EGFR: variants seen among roughly 807,000 people sequenced by gnomAD.
The protein encoded by EGFR is epidermal growth factor receptor.
In EGFR, 58 loss-of-function variants were observed where a neutral mutation model predicts 143.0. The ratio of observed to expected loss-of-function variants is 0.41; its 90% confidence interval spans 0.33 to 0.50. EGFR has a LOEUF of 0.50. Among genes scored for constraint, EGFR ranks in the 20% least tolerant of loss-of-function variants. EGFR has a pLI of 0.39. For synonymous variants in EGFR, 613 were observed against 594.4 expected, an observed-to-expected ratio of 1.03 and a Z score of -0.45; for missense variants, 1,307 against 1,579.0, an observed-to-expected ratio of 0.83 and a Z score of 2.92.
chr7:55,075,905 A>G (rs1463969674), intron 1 of EGFR, among the ~76,000 whole-genome samples: 2 of 152,208 alleles, frequency 1.3e-5, no homozygotes, highest in African/African-American at 4.8e-5. Context: ...TGGGGGTGCA[A>G]TAGTGGAACT....
chr7:55,062,549 A>G (rs1215072317), intron 1 of EGFR, among the ~76,000 whole-genome samples: 8 of 152,174 alleles, frequency 5.3e-5, no homozygotes, highest in Admixed American at 1.3e-4. Context: ...ATCTGCATGG[A>G]AAAATGTGCA....
chr7:55,088,936 G>T (rs548612093), intron 1 of EGFR, among the ~76,000 whole-genome samples: 1 of 152,032 alleles, frequency 6.6e-6, no homozygotes, highest in Non-Finnish European at 1.5e-5. Flanking sequence ...ATTCCTCTTT[G>T]TAAAAAGTAT....
intron 1 of EGFR, among the ~76,000 whole-genome samples, chr7:55,023,171 G>A (rs893125426): frequency 2.0e-5 from 3 of 152,178 alleles, no homozygotes; most frequent in African/African-American, 7.2e-5. Flanking sequence ...TGTGGCCCTT[G>A]CCATGTGACT....
intron 1 of EGFR, among the ~76,000 whole-genome samples, chr7:55,125,484 C>A (rs1793469272): frequency 6.6e-6 from 1 of 152,226 alleles, no homozygotes; most frequent in Non-Finnish European, 1.5e-5. Context: ...ACTGGGTGCT[C>A]CAGCTTTGGG....
chr7:55,191,702 GGTCTTCTCTGTTTC>G lies in EGFR; in HGVS notation c.2470-16_2470-3del. Reference sequence around the variant, plus strand: ...CATGATGATCTGTCCCTCACAGCAGGGTCTTCTCTGTTTCAGGGCATGAACTACTTGGAGGACCG... The same window carrying G: ...CATGATGATCTGTCCCTCACAGCAGGAGGGCATGAACTACTTGGAGGACCG... On this transcript the variant is annotated splice_polypyrimidine_tract_variant and splice_region_variant and intron_variant, in intron 20 of 27. Transcript: ENST00000275493. 6.2e-7 allele frequency: 1 copy of G among 1,613,448 alleles called. No homozygotes were observed. The highest frequency in any genetic ancestry group is 8.5e-7 in the Non-Finnish European group (1 of 1,179,934).
chr7:55,202,420 C>A (rs1400343283), intron 26 of EGFR, 97 bp from the exon 27 acceptor site: 1 of 1,072,678 alleles, frequency 9.3e-7, no homozygotes, highest in South Asian at 1.4e-5. Flanking sequence ...ACCTACTAAT[C>A]AGAACCAGCA....
rs963593794 is a variant in EGFR at position 55,208,956 on chromosome 7, G to A, written c.*3339G>A. On this transcript the variant is annotated 3_prime_UTR_variant, in exon 28 of 28. Coordinates refer to ENST00000275493, the MANE Select transcript of EGFR (RefSeq NM_005228.5). ...TTCATCAAAGTTTCTAGAACCTCTG[G>A]CCTAAAGGAAGGGCCTGGTGGGATC... 3.3e-5 allele frequency: 5 copies of A among 152,172 alleles called. No homozygotes were observed. The highest frequency in any genetic ancestry group is 1.2e-4 in the African/African-American group (5 of 41,448). 9.4% of individuals were successfully genotyped at this position (152,172 alleles called of 1,614,324 possible). A position where few individuals can be genotyped will look rare whatever the true frequency, so the allele number is the denominator to read the frequency against.
At chr7:55,051,273 A>G (rs1788472838) in intron 1 of EGFR, among the ~76,000 whole-genome samples, 1 of 152,128 alleles carries the variant, frequency 6.6e-6, no homozygotes, top group Non-Finnish European at 1.5e-5. Flanking sequence ...TGTGGTTTGA[A>G]TATGTCCCTC....
At position 55,202,164 on chromosome 7, in the gene EGFR, CT is replaced by C. The variant is rs1787878470; in HGVS notation, c.3163-351del. On this transcript the variant is annotated intron_variant, in intron 26 of 27. Coordinates refer to ENST00000275493, the MANE Select transcript of EGFR (RefSeq NM_005228.5). ...AGAAACCACTAGCCACATGTGGCTA[CT>C]TCAACTTAAATGTTAATGAGTTAAA... Among the ~76,000 whole-genome samples the C allele has an allele frequency of 7.2e-5, 11 of 152,328 alleles. No homozygotes were observed. In the South Asian group the frequency reaches 2.3e-3, roughly 32 times the overall value.
chr7:55,202,816 T>C (rs1787912023), intron 27 of EGFR, 191 bp downstream of exon 27: 2 of 703,892 alleles, frequency 2.8e-6, no homozygotes, highest in Admixed American at 4.0e-5. Context: ...AAGCTCTTTG[T>C]TGTGTCTGGT....
At chr7:55,187,059 A>G (rs1787170956) in intron 20 of EGFR, among the ~76,000 whole-genome samples, 1 of 152,162 alleles carries the variant, frequency 6.6e-6, no homozygotes, top group Non-Finnish European at 1.5e-5. Flanking sequence ...GCGTGAAGGC[A>G]CTTGAGGGTG....
chr7:55,177,097 C>G (rs1299605410), intron 19 of EGFR, among the ~76,000 whole-genome samples: 1 of 152,000 alleles, frequency 6.6e-6, no homozygotes, highest in Admixed American at 6.6e-5. Flanking sequence ...CCATGTCCCC[C>G]CTCCTCTCCA....
chr7:55,210,336 T>C lies in EGFR; in HGVS notation c.*4719T>C, dbSNP rs900099305. 1 of 152,204 alleles carries C rather than the reference T, an allele frequency of 6.6e-6. No individual in the cohort carries two copies. Among genetic ancestry groups the C allele is most frequent in the African/African-American group, 2.4e-5 (1 of 41,440 alleles). The allele number at this position is 152,204 out of a possible 1,614,324, so 9.4% of individuals were successfully genotyped here. ...CACACTTTGGTTAGTTCACCAACAG[T>C]CTTACCAAGCCTGGGCCCAGCCACC... is the stretch of plus-strand genomic sequence containing the variant. On this transcript the variant is annotated 3_prime_UTR_variant, in exon 28 of 28. Coordinates refer to ENST00000275493, the MANE Select transcript of EGFR (RefSeq NM_005228.5).
intron 3 of EGFR, among the ~76,000 whole-genome samples, chr7:55,144,970 C>A (rs1562755561): frequency 6.6e-6 from 1 of 152,234 alleles, no homozygotes; most frequent in Non-Finnish European, 1.5e-5. Flanking sequence ...TCAGCAGCTC[C>A]TTCCACTTCC....
chr7:55,114,309 G>A (rs747144641), intron 1 of EGFR, among the ~76,000 whole-genome samples: 10 of 152,142 alleles, frequency 6.6e-5, no homozygotes, highest in Non-Finnish European at 5.9e-5. Context: ...TAGAGGGCAA[G>A]GCAGGAGGAT....
chr7:55,201,367 C>T lies in EGFR; in HGVS notation c.3114+12C>T, dbSNP rs199997298. The T allele has an allele frequency of 1.1e-4, 173 of 1,614,114 alleles. No homozygotes were observed. The African/African-American group carries it at 2.1e-3, about 20-fold the overall frequency. On this transcript the variant is annotated intron_variant, in intron 25 of 27. Coordinates refer to ENST00000275493, the MANE Select transcript of EGFR (RefSeq NM_005228.5). Reference sequence around the variant, plus strand: ...TCCTGAGCTCTCTGGTATGAAATCTCTGTCTCTCTCTCTCTCTCAAGCTGT... The same window carrying T: ...TCCTGAGCTCTCTGGTATGAAATCTTTGTCTCTCTCTCTCTCTCAAGCTGT...
intron 11 of EGFR, among the ~76,000 whole-genome samples, chr7:55,158,085 CACTT>C (rs1469089798): frequency 6.6e-6 from 1 of 152,236 alleles, no homozygotes; most frequent in Admixed American, 6.5e-5. Flanking sequence ...ACGGCCTTGA[CACTT>C]ACAAAACGTG....
intron 11 of EGFR, among the ~76,000 whole-genome samples, chr7:55,159,754 A>G (rs1785604983): frequency 6.6e-6 from 1 of 152,196 alleles, no homozygotes; most frequent in Non-Finnish European, 1.5e-5. Context: ...ATATGAATGG[A>G]TAGAGGGACA....
intron 1 of EGFR, among the ~76,000 whole-genome samples, chr7:55,105,723 T>C (rs1397031071): frequency 2.0e-5 from 3 of 152,192 alleles, no homozygotes; most frequent in Non-Finnish European, 4.4e-5. Context: ...TAATCAGGGC[T>C]TATATAGAAA....
Sources: allele counts gnomAD v4.1 joint callset (sites outside exome capture counted in the v4.1 genomes callset), GRCh38; gene constraint gnomAD v4.1.1; transcripts MANE v1.5; gene names NCBI Gene and HGNC (gene_info 2026-07-23, HGNC 2026-07-21).